The following DPH6 variants were observed in gnomAD, a reference collection of about 807,000 sequenced individuals.
The protein encoded by DPH6 is diphthine--ammonia ligase.
In DPH6, 33 loss-of-function variants were observed where a neutral mutation model predicts 38.2. That is an observed-to-expected ratio of 0.86 (90% CI 0.65 to 1.15). The LOEUF is 1.15. Among genes scored for constraint, DPH6 ranks in the 50% most tolerant of loss-of-function variants. The probability of loss-of-function intolerance (pLI) is 0.00; values close to 1 mark genes in which losing one functional copy is unlikely to be tolerated. For missense variants in DPH6, 325 were observed against 320.0 expected (o/e 1.02, Z -0.12); for synonymous variants, 108 against 103.0 (o/e 1.05, Z -0.30).
chr15:35,385,839 G>A (rs1025136572), intron 6 of DPH6, among the ~76,000 whole-genome samples: 25 of 151,860 alleles, frequency 1.6e-4, no homozygotes, highest in African/African-American at 5.6e-4. Flanking sequence ...TGTGTTTATT[G>A]TTTCACATTT....
chr15:35,277,729 G>A (rs368622796), intron 3 of DPH6, among the ~76,000 whole-genome samples: 61 of 152,142 alleles, frequency 4.0e-4, no homozygotes, highest in African/African-American at 1.3e-3. Context: ...TACTGGGAAC[G>A]CGAGTAAAGG....
chr15:35,189,519 C>G, the DPH6 span, among the ~76,000 whole-genome samples: 6 of 152,146 alleles, frequency 3.9e-5, no homozygotes, highest in Admixed American at 2.0e-4. Flanking sequence ...AAAATCCAAA[C>G]CTGGAATTAT....
intron 3 of DPH6, among the ~76,000 whole-genome samples, chr15:35,363,675 G>A (rs1035181174): frequency 6.6e-6 from 1 of 152,020 alleles, no homozygotes; most frequent in Admixed American, 6.6e-5. Flanking sequence ...GCTTCTGCTA[G>A]TTGCTCTATG....
chr15:35,250,186 C>CA (rs1376143164), intron 3 of DPH6, among the ~76,000 whole-genome samples: 5 of 148,936 alleles, frequency 3.4e-5, no homozygotes, highest in African/African-American at 7.4e-5. Flanking sequence ...TCAAAAAAAC[C>CA]AAAAAAACAA....
intron 3 of DPH6, among the ~76,000 whole-genome samples, chr15:35,354,241 C>G (rs1566878379): frequency 6.6e-6 from 1 of 152,182 alleles, no homozygotes; most frequent in Non-Finnish European, 1.5e-5. Flanking sequence ...GACAATTTGA[C>G]TTCCTCTTTT....
intron 4 of DPH6, among the ~76,000 whole-genome samples, chr15:35,451,957 C>A (rs2141083126): frequency 6.6e-6 from 1 of 152,290 alleles, no homozygotes; most frequent in South Asian, 2.1e-4. Context: ...TTGCCGTAAG[C>A]CGAGATTGCG....
chr15:35,542,111 G>C (rs2141569320), intron 2 of DPH6, among the ~76,000 whole-genome samples: 1 of 152,212 alleles, frequency 6.6e-6, no homozygotes, highest in African/African-American at 2.4e-5. Flanking sequence ...AGTGTACTTT[G>C]AAGTAAGAAG....
the DPH6 span, among the ~76,000 whole-genome samples, chr15:35,167,653 G>A: frequency 1.3e-5 from 2 of 151,108 alleles, no homozygotes; most frequent in East Asian, 1.9e-4. Flanking sequence ...CCTAAGGTTA[G>A]ACAGATAGTT....
chr15:35,484,970 A>G (rs1326818939), intron 3 of DPH6, among the ~76,000 whole-genome samples: 1 of 152,254 alleles, frequency 6.6e-6, no homozygotes, highest in Non-Finnish European at 1.5e-5. Context: ...TTTTTTAGAA[A>G]GTAGCAAAAT....
intron 5 of DPH6, among the ~76,000 whole-genome samples, chr15:35,441,788 ATCCCAGAACT>A (rs1435036461): frequency 2.8e-5 from 3 of 108,820 alleles, no homozygotes; most frequent in African/African-American, 1.1e-4. Context: ...CTGCACGTGT[ATCCCAGAACT>A]TAAAGTATAA....
chr15:35,214,370 A>G (rs922373033), downstream of DPH6, among the ~76,000 whole-genome samples: 2 of 152,198 alleles, frequency 1.3e-5, no homozygotes, highest in Non-Finnish European at 2.9e-5. Flanking sequence ...TGATATACAG[A>G]ATCATTAGAA....
intron 3 of DPH6, among the ~76,000 whole-genome samples, chr15:35,474,309 A>G (rs1468532088): frequency 6.6e-6 from 1 of 152,182 alleles, no homozygotes; most frequent in Admixed American, 6.5e-5. Flanking sequence ...AAGTGCTGTT[A>G]TAACTAGAGT....
At chr15:35,349,416 G>A (rs777173270) in intron 3 of DPH6, among the ~76,000 whole-genome samples, 15 of 151,880 alleles carry the variant, frequency 9.9e-5, no homozygotes, top group South Asian at 4.1e-4. Flanking sequence ...AGTTGACTAC[G>A]TGCATTGTTT....
the DPH6 span, among the ~76,000 whole-genome samples, chr15:35,210,670 T>C: frequency 6.6e-6 from 1 of 152,164 alleles, no homozygotes; most frequent in Non-Finnish European, 1.5e-5. Flanking sequence ...ACTTTTATAA[T>C]ATCATAATAT....
rs71417003 is a variant in DPH6, at chr15:35,422,130, T to TAA, written c.506-11236_506-11235dup. Among the ~76,000 whole-genome samples, 3,028 of 151,938 alleles carry TAA rather than the reference T, an allele frequency of 0.02. 353 individuals are homozygous for TAA. In the East Asian group the frequency reaches 0.36, roughly 18 times the overall value. ...TTATTCCTTCAAATATATATATATA[T>TAA]AAACCAAATAGATGAAGGTTTGGGA... On this transcript the variant is annotated intron_variant, in intron 5 of 8. Coordinates refer to ENST00000256538, the MANE Select transcript of DPH6 (RefSeq NM_080650.4).
At chr15:35,291,681 T>C (rs1197300765) in intron 3 of DPH6, among the ~76,000 whole-genome samples, 1 of 152,170 alleles carries the variant, frequency 6.6e-6, no homozygotes, top group African/African-American at 2.4e-5. Context: ...ACTTCCAGAA[T>C]CTCAGCTACA....
intron 5 of DPH6, among the ~76,000 whole-genome samples, chr15:35,415,766 T>C (rs2053428211): frequency 1.3e-5 from 2 of 152,014 alleles, no homozygotes; most frequent in Non-Finnish European, 2.9e-5. Flanking sequence ...GCACTAAAAA[T>C]TCTATGAAGC....
intron 3 of DPH6, among the ~76,000 whole-genome samples, chr15:35,510,375 A>T (rs946508888): frequency 6.6e-6 from 1 of 152,196 alleles, no homozygotes; most frequent in East Asian, 1.9e-4. Context: ...TTATTGCTGG[A>T]AGCTCTGTCC....
At chr15:35,538,539 G>A in intron 2 of DPH6, 72 bp from the exon 3 acceptor site, 1 of 1,314,630 alleles carries the variant, frequency 7.6e-7, no homozygotes, top group South Asian at 1.9e-5. Flanking sequence ...GCCCATCCAG[G>A]TTTTACTGCT....
Sources: gnomAD v4.1 joint callset for allele counts (sites outside exome capture counted in the v4.1 genomes callset) on GRCh38, gnomAD v4.1.1 for gene constraint, MANE v1.5 for transcripts, NCBI Gene and HGNC (gene_info 2026-07-23, HGNC 2026-07-21) for gene names.